The following CRPPA variants were observed in gnomAD, a reference collection of about 807,000 sequenced individuals.
CRPPA encodes D-ribitol-5-phosphate cytidylyltransferase.
A neutral mutation model predicts 52.0 loss-of-function variants in CRPPA; 43 were observed. The observed-to-expected ratio is 0.83, with a 90% CI of 0.65 to 1.07. The LOEUF is 1.07. CRPPA is among the 50% of genes least tolerant of loss of function. The pLI is 0.00. For missense variants in CRPPA, 629 were observed against 551.7 expected, an observed-to-expected ratio of 1.14 and a Z score of -1.40; for synonymous variants, 250 against 203.5, an observed-to-expected ratio of 1.23 and a Z score of -1.94.
At chr7:16,409,742 A>C (rs748441138) in intron 1 of CRPPA, among the ~76,000 whole-genome samples, 2 of 152,230 alleles carry the variant, frequency 1.3e-5, no homozygotes, top group African/African-American at 2.4e-5. Context: ...CGAATATACA[A>C]AGACATTACA....
chr7:16,371,653 T>A (rs1224203412), intron 3 of CRPPA, among the ~76,000 whole-genome samples: 1 of 151,700 alleles, frequency 6.6e-6, no homozygotes, highest in African/African-American at 2.4e-5. Flanking sequence ...AAAACAGGGT[T>A]CTATAACAAC....
chr7:16,314,693 G>A (rs1785106039), intron 3 of CRPPA, among the ~76,000 whole-genome samples: 1 of 151,992 alleles, frequency 6.6e-6, no homozygotes, highest in African/African-American at 2.4e-5. Flanking sequence ...ATTCTAGGGT[G>A]GTAGGTTTCT....
intron 9 of CRPPA, among the ~76,000 whole-genome samples, chr7:16,205,884 G>A (rs918528578): frequency 6.6e-6 from 1 of 151,654 alleles, no homozygotes; most frequent in Non-Finnish European, 1.5e-5. Flanking sequence ...TTAATAAAGG[G>A]ATAAGAGAAT....
intron 2 of CRPPA, 24 bp from the exon 3 acceptor site, chr7:16,376,265 T>G: frequency 6.3e-7 from 1 of 1,577,116 alleles, no homozygotes; most frequent in Non-Finnish European, 8.6e-7. Context: ...AGGCAAAGAA[T>G]ATATTTCACC....
intron 9 of CRPPA, among the ~76,000 whole-genome samples, chr7:16,097,588 G>A (rs1562501459): frequency 1.3e-5 from 2 of 152,104 alleles, no homozygotes; most frequent in East Asian, 1.9e-4. Flanking sequence ...TAATGAAGTC[G>A]TGTCAATAAA....
At chr7:16,268,439 C>CTATTTTTAATG (rs1271846571) in intron 6 of CRPPA, among the ~76,000 whole-genome samples, 1 of 152,074 alleles carries the variant, frequency 6.6e-6, no homozygotes, top group African/African-American at 2.4e-5. Context: ...ATGTAATAAG[C>CTATTTTTAATG]AAACTATTTT....
At chr7:16,280,700 T>G (rs1367532251) in intron 5 of CRPPA, among the ~76,000 whole-genome samples, 1 of 152,176 alleles carries the variant, frequency 6.6e-6, no homozygotes, top group East Asian at 1.9e-4. Context: ...CTTACAAAAA[T>G]GAAATATTTT....
chr7:16,122,135 G>T (rs960662689), intron 9 of CRPPA, among the ~76,000 whole-genome samples: 2 of 152,130 alleles, frequency 1.3e-5, no homozygotes, highest in South Asian at 2.1e-4. Flanking sequence ...CAGTTTGCTG[G>T]ATATACTAAT....
chr7:16,244,596 C>T (rs968910161), intron 8 of CRPPA, among the ~76,000 whole-genome samples: 1 of 152,134 alleles, frequency 6.6e-6, no homozygotes, highest in African/African-American at 2.4e-5. Flanking sequence ...TTGTTTTTGC[C>T]AAATGCCCAC....
intron 6 of CRPPA, among the ~76,000 whole-genome samples, chr7:16,274,283 C>T (rs1412480746): frequency 6.6e-6 from 1 of 152,252 alleles, no homozygotes; most frequent in African/African-American, 2.4e-5. Context: ...CTCCTGACTT[C>T]GTGATCCGCC....
intron 6 of CRPPA, among the ~76,000 whole-genome samples, chr7:16,266,860 C>G (rs752178484): frequency 1.3e-5 from 2 of 152,092 alleles, no homozygotes; most frequent in Admixed American, 1.3e-4. Flanking sequence ...TTCTTTCTGT[C>G]GAGCTTTCAT....
Position 16,310,243 on chromosome 7 carries a change from C to G in CRPPA, c.685-1616G>C, listed in dbSNP as rs558586644. Among the ~76,000 whole-genome samples the G allele has an allele frequency of 2.6e-5, 4 of 152,226 alleles. No individual in the cohort carries two copies. In the East Asian group the frequency reaches 7.8e-4, roughly 30 times the overall value. On this transcript the variant is annotated intron_variant, in intron 3 of 9. Coordinates refer to ENST00000407010, the MANE Select transcript of CRPPA (RefSeq NM_001101426.4). The stretch of plus-strand genomic sequence containing the variant: ...ACTGAAAACCATCTGCCTCCCTAGA[C>G]TTGGCCCCCCGAAAACAGTGTCTAA...
intron 9 of CRPPA, among the ~76,000 whole-genome samples, chr7:16,176,777 T>A (rs1781307201): frequency 6.6e-6 from 1 of 152,054 alleles, no homozygotes. Flanking sequence ...GCACTTTTCA[T>A]ATTATTCTCC....
intron 5 of CRPPA, among the ~76,000 whole-genome samples, chr7:16,286,325 G>A (rs989061770): frequency 6.6e-6 from 1 of 151,376 alleles, no homozygotes; most frequent in African/African-American, 2.4e-5. Context: ...CCAATCAAAT[G>A]AAAGCCTGAG....
chr7:16,228,965 T>C (rs1337660349), intron 8 of CRPPA, among the ~76,000 whole-genome samples: 1 of 152,066 alleles, frequency 6.6e-6, no homozygotes, highest in African/African-American at 2.4e-5. Flanking sequence ...CTTCATATTA[T>C]ATATTTAGGT....
chr7:16,137,370 T>C lies in CRPPA; in HGVS notation c.1252-45571A>G, dbSNP rs554956194. On this transcript the variant is annotated intron_variant, in intron 9 of 9. Transcript: ENST00000407010. ...TGTTGTTTATAAGCTACCTAGTGTA[T>C]AGCTTTCAACAGCCCGAAAAGACTA... 2.0e-5 allele frequency among the ~76,000 whole-genome samples: 3 copies of C among 152,328 alleles called. No homozygotes were observed. The East Asian group carries it at 5.8e-4, about 29-fold the overall frequency.
intron 3 of CRPPA, among the ~76,000 whole-genome samples, chr7:16,326,891 C>G (rs1785405915): frequency 6.6e-6 from 1 of 151,574 alleles, no homozygotes; most frequent in African/African-American, 2.4e-5. Flanking sequence ...AGCCTAAATA[C>G]TATCAAATCA....
chr7:16,385,676 AG>A lies in CRPPA; in HGVS notation c.535-9436del, dbSNP rs545962866. 4.5e-3 allele frequency among the ~76,000 whole-genome samples: 679 copies of A among 152,364 alleles called. 1 individual carries two copies. Among genetic ancestry groups the A allele is most frequent in the Non-Finnish European group, 7.7e-3 (525 of 68,038 alleles). ...AATTCTAATTCACATTAAAAAACAA[AG>A]TGTACCAGTAAAGATAATGTAATTA... On this transcript the variant is annotated intron_variant, in intron 2 of 9. Transcript: ENST00000407010.
chr7:16,217,163 AC>A (rs1222209984), intron 8 of CRPPA, among the ~76,000 whole-genome samples: 1 of 143,522 alleles, frequency 7.0e-6, no homozygotes, highest in African/African-American at 2.6e-5. Context: ...ACTGGGAGGC[AC>A]CCCCCAGCAG....
Sources: allele counts gnomAD v4.1 joint callset (sites outside exome capture counted in the v4.1 genomes callset), GRCh38; gene constraint gnomAD v4.1.1; transcripts MANE v1.5; gene names NCBI Gene and HGNC (gene_info 2026-07-23, HGNC 2026-07-21).